NWD2: variants seen among roughly 807,000 people sequenced by gnomAD.
NWD2 encodes NACHT and WD repeat domain containing 2.
In NWD2, 37 loss-of-function variants were observed where a neutral mutation model predicts 132.7. The observed-to-expected ratio is 0.28, with a 90% CI of 0.21 to 0.37. The LOEUF is 0.37. Among genes scored for constraint, NWD2 ranks in the 10% least tolerant of loss-of-function variants. The pLI is 1.00. For synonymous variants in NWD2, 705 were observed against 803.0 expected, an observed-to-expected ratio of 0.88 and a Z score of 2.06; for missense variants, 1,592 against 2,122.4, an observed-to-expected ratio of 0.75 and a Z score of 4.91.
chr4:37,290,207 C>T (rs1036059234), intron 1 of NWD2, among the ~76,000 whole-genome samples: 3 of 152,166 alleles, frequency 2.0e-5, no homozygotes, highest in African/African-American at 7.2e-5. Context: ...CTGTACCAGG[C>T]TCTAGGATAA....
chr4:37,410,920 G>A (rs907572465), intron 3 of NWD2, among the ~76,000 whole-genome samples: 1 of 152,118 alleles, frequency 6.6e-6, no homozygotes, highest in African/African-American at 2.4e-5. Context: ...AAAGAAGGCA[G>A]AAATAAAGGT....
At chr4:37,381,377 A>T (rs1031094516) in intron 3 of NWD2, among the ~76,000 whole-genome samples, 6 of 152,184 alleles carry the variant, frequency 3.9e-5, no homozygotes, top group Admixed American at 3.9e-4. Context: ...TGGGATATCG[A>T]ATCCCATTTA....
chr4:37,390,975 G>A (rs997314186), intron 3 of NWD2, among the ~76,000 whole-genome samples: 7 of 152,174 alleles, frequency 4.6e-5, no homozygotes, highest in Non-Finnish European at 1.0e-4. Context: ...TATCTGTTAA[G>A]TGTTCATTTA....
In NWD2 at chr4:37,445,140, G is replaced by C; in HGVS notation, c.3152G>C (p.Gly1051Ala). The C allele has an allele frequency of 1.3e-6, 2 of 1,552,034 alleles. No homozygotes were observed. Among genetic ancestry groups the C allele is most frequent in the Non-Finnish European group, 1.7e-6 (2 of 1,147,082 alleles). Reference protein sequence around the residue: ...SCLLSEVEIKGTKHGSSATYI... With the variant: ...SCLLSEVEIKATKHGSSATYI... ...CTCCTGTCTGAAGTAGAAATCAAGGGGACCAAGCATGGAAGCAGCGCCACC... is the reference window on the plus strand; with the variant it reads ...CTCCTGTCTGAAGTAGAAATCAAGGCGACCAAGCATGGAAGCAGCGCCACC... The change falls in exon 7 of 7, where the codon GGG (glycine) becomes GCG (alanine). Residue 1051 changes from glycine to alanine, a missense_variant. Around this residue, in one of 7 missense-constraint regions of NWD2, gnomAD observed 1,071 missense variants for 1,398.0 expected, o/e 0.77. Coordinates refer to ENST00000309447, the MANE Select transcript of NWD2 (RefSeq NM_001144990.2). This position sits in a 1 kb window ranked among gnomAD's most constrained non-coding sequence, Gnocchi z 4.7.
intron 1 of NWD2, among the ~76,000 whole-genome samples, chr4:37,255,567 T>C (rs1348567837): frequency 2.6e-5 from 4 of 152,160 alleles, no homozygotes; most frequent in Non-Finnish European, 4.4e-5. Flanking sequence ...TAGATAAAAA[T>C]TGAAGGAGTT....
At chr4:37,337,908 T>C (rs1719442932) in intron 2 of NWD2, among the ~76,000 whole-genome samples, 1 of 152,252 alleles carries the variant, frequency 6.6e-6, no homozygotes, top group South Asian at 2.1e-4. Context: ...AACTCTTGGC[T>C]TAGTCCATTC....
chr4:37,272,648 T>C (rs1368611226), intron 1 of NWD2, among the ~76,000 whole-genome samples: 2 of 151,828 alleles, frequency 1.3e-5, no homozygotes, highest in Non-Finnish European at 2.9e-5. Context: ...GTACTGATTT[T>C]TCTCTCCTTT....
At chr4:37,338,999 A>G (rs1275737357) in intron 2 of NWD2, among the ~76,000 whole-genome samples, 1 of 152,130 alleles carries the variant, frequency 6.6e-6, no homozygotes, top group African/African-American at 2.4e-5. Flanking sequence ...CTATTAATCA[A>G]ATGGATGCTG....
intron 1 of NWD2, among the ~76,000 whole-genome samples, chr4:37,292,020 C>T (rs973159615): frequency 2.6e-5 from 4 of 152,000 alleles, no homozygotes; most frequent in Non-Finnish European, 4.4e-5. Flanking sequence ...ATTATCTGAA[C>T]AGGGCCACAC....
At chr4:37,388,724 A>T (rs1307181602) in intron 3 of NWD2, among the ~76,000 whole-genome samples, 1 of 147,470 alleles carries the variant, frequency 6.8e-6, no homozygotes, top group Admixed American at 6.8e-5. Context: ...TATATATATC[A>T]TATATATATC....
At chr4:37,324,215 A>G (rs543712547) in intron 1 of NWD2, among the ~76,000 whole-genome samples, 2 of 152,308 alleles carry the variant, frequency 1.3e-5, no homozygotes, top group Admixed American at 1.3e-4. Flanking sequence ...CCAATTGTGC[A>G]TTCAAGTCTC....
At chr4:37,260,928 C>A (rs1717623859) in intron 1 of NWD2, among the ~76,000 whole-genome samples, 1 of 152,154 alleles carries the variant, frequency 6.6e-6, no homozygotes, top group South Asian at 2.1e-4. Flanking sequence ...GTTGAAAATT[C>A]AGACTGTAGA....
Position 37,447,312 on chromosome 4 carries a change from A to G in NWD2, c.*95A>G. 1.1e-6 allele frequency: 1 copy of G among 935,874 alleles called. No homozygotes were observed. Among genetic ancestry groups the G allele is most frequent in the Non-Finnish European group, 1.6e-6 (1 of 632,084 alleles). The allele number at this position is 935,874 out of a possible 1,614,324, so 58.0% of individuals were successfully genotyped here. ...ATAAACTATTCATTTATTAAAAGGC[A>G]GGAGCGATGCTGGAATTCCAGTGTT... is the stretch of plus-strand genomic sequence containing the variant. On this transcript the variant is annotated 3_prime_UTR_variant, in exon 7 of 7. Coordinates refer to ENST00000309447, the MANE Select transcript of NWD2 (RefSeq NM_001144990.2).
intron 1 of NWD2, among the ~76,000 whole-genome samples, chr4:37,293,754 C>T (rs1339764718): frequency 3.3e-5 from 5 of 152,016 alleles, no homozygotes; most frequent in South Asian, 4.2e-4. Context: ...TTACTAATGA[C>T]GTTAAGGATT....
intron 3 of NWD2, among the ~76,000 whole-genome samples, chr4:37,417,985 G>C (rs958310011): frequency 6.6e-6 from 1 of 152,152 alleles, no homozygotes; most frequent in African/African-American, 2.4e-5. Flanking sequence ...TCCGTCAATA[G>C]AGGGGACCTA....
chr4:37,294,052 G>T (rs141897834), intron 1 of NWD2, among the ~76,000 whole-genome samples: 56 of 152,154 alleles, frequency 3.7e-4, no homozygotes, highest in African/African-American at 1.3e-3. Flanking sequence ...ATCACAGGAA[G>T]TCCCCACCCC....
chr4:37,301,573 CT>C (rs1306025593), intron 1 of NWD2, among the ~76,000 whole-genome samples: 1 of 151,038 alleles, frequency 6.6e-6, no homozygotes, highest in African/African-American at 2.4e-5. Flanking sequence ...GCTCTTTACC[CT>C]TTTTTTCAGT....
intron 3 of NWD2, among the ~76,000 whole-genome samples, chr4:37,363,999 G>T (rs1263171240): frequency 6.6e-6 from 1 of 151,896 alleles, no homozygotes; most frequent in African/African-American, 2.4e-5. Flanking sequence ...GGGAATGGTG[G>T]TGCATGCCTG....
intron 3 of NWD2, among the ~76,000 whole-genome samples, chr4:37,381,847 A>G (rs1216130322): frequency 6.6e-6 from 1 of 152,262 alleles, no homozygotes; most frequent in Admixed American, 6.5e-5. Flanking sequence ...CAATGTTCCA[A>G]AGAATTCAAC....
Sources: allele counts gnomAD v4.1 joint callset (sites outside exome capture counted in the v4.1 genomes callset), GRCh38; gene constraint gnomAD v4.1.1; regional missense constraint gnomAD v4.1.1; non-coding constraint Gnocchi (gnomAD v3.1); transcripts MANE v1.5; gene names NCBI Gene and HGNC (gene_info 2026-07-23, HGNC 2026-07-21).